Variants in RBFOX1 observed in about 807,000 individuals in gnomAD.
RBFOX1 encodes the protein RNA binding fox-1 homolog 1.
In RBFOX1, 8 loss-of-function variants were observed where a neutral mutation model predicts 57.7. The observed-to-expected ratio is 0.14, with a 90% confidence interval of 0.08 to 0.25. RBFOX1 has a LOEUF of 0.25. Among genes scored for constraint, RBFOX1 ranks in the 10% least tolerant of loss-of-function variants. The probability of loss-of-function intolerance (pLI) is 1.00; values close to 1 mark genes in which losing one functional copy is unlikely to be tolerated. For missense variants in RBFOX1, 611 were observed against 548.5 expected (o/e 1.11, Z -1.14); for synonymous variants, 326 against 222.4 (o/e 1.47, Z -4.15).
intron 3 of RBFOX1, among the ~76,000 whole-genome samples, chr16:6,800,497 C>G (rs548141231): frequency 6.6e-6 from 1 of 152,116 alleles, no homozygotes. Flanking sequence ...ATCTGCATTT[C>G]TAATAGGCTT....
At chr16:5,854,059 C>G (rs1226907525) in intron 3 of RBFOX1, among the ~76,000 whole-genome samples, 2 of 152,172 alleles carry the variant, frequency 1.3e-5, no homozygotes, top group Non-Finnish European at 2.9e-5. Context: ...GCAGACTTGA[C>G]AAAGAAGAAC....
At chr16:6,126,073 C>T (rs769225585) in intron 1 of RBFOX1, among the ~76,000 whole-genome samples, 1 of 152,158 alleles carries the variant, frequency 6.6e-6, no homozygotes, top group Admixed American at 6.5e-5. Flanking sequence ...TTCTGTGATT[C>T]ATTGAACAGT....
intron 3 of RBFOX1, among the ~76,000 whole-genome samples, chr16:6,992,874 T>C (rs2091723148): frequency 6.7e-6 from 1 of 149,628 alleles, no homozygotes; most frequent in South Asian, 2.1e-4. Flanking sequence ...TACTTCAATA[T>C]ATTCAGTGCC....
chr16:7,212,722 T>C (rs1037586126), intron 4 of RBFOX1, among the ~76,000 whole-genome samples: 6 of 152,202 alleles, frequency 3.9e-5, no homozygotes, highest in African/African-American at 1.2e-4. Context: ...CTAAAGCATG[T>C]GGGCCTTAAA....
chr16:5,862,907 G>A (rs1467296707), intron 3 of RBFOX1, among the ~76,000 whole-genome samples: 1 of 152,102 alleles, frequency 6.6e-6, no homozygotes, highest in Non-Finnish European at 1.5e-5. Context: ...AGGGGTTCAG[G>A]GAGAACAGGT....
chr16:5,246,967 C>G (rs532891520), intron 1 of RBFOX1, among the ~76,000 whole-genome samples: 4 of 152,268 alleles, frequency 2.6e-5, no homozygotes, highest in South Asian at 2.1e-4. Flanking sequence ...CACCATGCCT[C>G]GCTGAGTTCA....
intron 4 of RBFOX1, among the ~76,000 whole-genome samples, chr16:7,450,470 A>G (rs1041078282): frequency 4.6e-5 from 7 of 151,460 alleles, no homozygotes; most frequent in African/African-American, 1.5e-4. Flanking sequence ...GATAAATTCT[A>G]TACCACTGTG....
upstream of RBFOX1, among the ~76,000 whole-genome samples, chr16:6,016,116 T>A (rs1363741666): frequency 2.0e-5 from 3 of 152,252 alleles, no homozygotes; most frequent in Non-Finnish European, 4.4e-5. Context: ...TGGCTGGTGC[T>A]GTGCATCAGG....
chr16:5,671,638 A>C (rs2050015961), intron 3 of RBFOX1, among the ~76,000 whole-genome samples: 1 of 152,208 alleles, frequency 6.6e-6, no homozygotes, highest in African/African-American at 2.4e-5. Flanking sequence ...CGTTTCCTAT[A>C]CAGAAATGCA....
At chr16:5,547,668 AGTGAAGAATAT>A (rs1438196036) in intron 2 of RBFOX1, among the ~76,000 whole-genome samples, 1 of 152,200 alleles carries the variant, frequency 6.6e-6, no homozygotes, top group Non-Finnish European at 1.5e-5. Flanking sequence ...CGGTGCCTTG[AGTGAAGAATAT>A]GTGCTGCATG....
At chr16:6,435,628 C>T (rs1005374290) in intron 2 of RBFOX1, among the ~76,000 whole-genome samples, 1 of 152,094 alleles carries the variant, frequency 6.6e-6, no homozygotes. Context: ...ATAGCATCTA[C>T]CCCCAGCAAG....
intron 2 of RBFOX1, among the ~76,000 whole-genome samples, chr16:5,552,466 G>C (rs8057985): frequency 1.3e-5 from 2 of 151,988 alleles, no homozygotes; most frequent in Non-Finnish European, 2.9e-5. Context: ...CCATGTTTCA[G>C]GTGAGAAAAC....
intron 1 of RBFOX1, among the ~76,000 whole-genome samples, chr16:5,291,284 A>T (rs2063528383): frequency 1.8e-5 from 2 of 108,304 alleles, no homozygotes; most frequent in Non-Finnish European, 1.8e-5. Flanking sequence ...TTTTTTTGAG[A>T]CGGAGTCTCA....
intron 3 of RBFOX1, among the ~76,000 whole-genome samples, chr16:6,672,355 T>TGA (rs2098771164): frequency 8.0e-6 from 1 of 124,640 alleles, no homozygotes; most frequent in African/African-American, 3.1e-5. Context: ...GGGAGGAGAG[T>TGA]GAGAGAGAGA....
At chr16:7,323,393 C>T (rs1327220368) in intron 4 of RBFOX1, among the ~76,000 whole-genome samples, 6 of 152,166 alleles carry the variant, frequency 3.9e-5, no homozygotes, top group African/African-American at 1.2e-4. Context: ...CACTGCCTTC[C>T]AGCCTGGGTG....
At chr16:5,565,442 A>G (rs1214879237) in intron 2 of RBFOX1, among the ~76,000 whole-genome samples, 1 of 152,026 alleles carries the variant, frequency 6.6e-6, no homozygotes, top group African/African-American at 2.4e-5. Flanking sequence ...CCTGACCAAC[A>G]TAGAGAAAGC....
chr16:6,453,105 A>G (rs1429734387), intron 2 of RBFOX1, among the ~76,000 whole-genome samples: 2 of 152,006 alleles, frequency 1.3e-5, no homozygotes, highest in East Asian at 1.9e-4. Flanking sequence ...AAAGCCCCTG[A>G]CTTTCTTTTT....
chr16:5,588,620 G>C lies in RBFOX1; in HGVS notation c.259-10282G>C, dbSNP rs189796366. 1.7e-3 allele frequency among the ~76,000 whole-genome samples: 252 copies of C among 152,294 alleles called. 1 individual carries two copies. Among genetic ancestry groups the C allele is most frequent in the South Asian group, 0.013 (62 of 4,824 alleles). The stretch of plus-strand genomic sequence containing the variant: ...ACGTATTTAAGGGCAACAGTCCTCA[G>C]CACGTCCCCATGTGAGCAATGGACA... On this transcript the variant is annotated intron_variant, in intron 2 of 2. Transcript: ENST00000585867.
chr16:6,069,681 T>C (rs2095811765), intron 1 of RBFOX1, among the ~76,000 whole-genome samples: 1 of 152,052 alleles, frequency 6.6e-6, no homozygotes, highest in Non-Finnish European at 1.5e-5. Flanking sequence ...AATCTTACAT[T>C]AAGTAACTAA....
Sources: allele counts gnomAD v4.1 joint callset (sites outside exome capture counted in the v4.1 genomes callset), GRCh38; gene constraint gnomAD v4.1.1; transcripts MANE v1.5; gene names NCBI Gene and HGNC (gene_info 2026-07-23, HGNC 2026-07-21).